TRPM3: variants seen among roughly 807,000 people sequenced by gnomAD.
TRPM3 encodes transient receptor potential cation channel subfamily M member 3, also known as long transient receptor potential channel 3.
A neutral mutation model predicts 181.2 loss-of-function variants in TRPM3; 77 were observed. The observed-to-expected ratio is 0.42, with a 90% CI of 0.35 to 0.51. TRPM3 has a LOEUF of 0.51. TRPM3 is among the 20% of genes least tolerant of loss of function. TRPM3 has a pLI of 0.01. For synonymous variants in TRPM3, 745 were observed against 796.4 expected, an observed-to-expected ratio of 0.94 and a Z score of 1.09; for missense variants, 1,759 against 2,196.7, an observed-to-expected ratio of 0.80 and a Z score of 3.98.
intron 1 of TRPM3, among the ~76,000 whole-genome samples, chr9:70,908,796 C>A (rs866060484): frequency 1.3e-5 from 2 of 152,106 alleles, no homozygotes; most frequent in Admixed American, 1.3e-4. Flanking sequence ...ACCAATGGAA[C>A]AGAATACAGA....
chr9:70,942,538 A>C (rs942918894), intron 1 of TRPM3, among the ~76,000 whole-genome samples: 2 of 152,212 alleles, frequency 1.3e-5, no homozygotes, highest in African/African-American at 4.8e-5. Context: ...TTCACTGTAC[A>C]AGGCTTCTTG....
intron 17 of TRPM3, among the ~76,000 whole-genome samples, 189 bp downstream of exon 17, chr9:70,618,678 G>A (rs2063159435): frequency 6.6e-6 from 1 of 152,232 alleles, no homozygotes; most frequent in African/African-American, 2.4e-5. Flanking sequence ...GACCCAGGGG[G>A]AGGCCCCAGC....
intron 1 of TRPM3, among the ~76,000 whole-genome samples, chr9:71,053,928 A>C (rs981011276): frequency 6.6e-6 from 1 of 152,104 alleles, no homozygotes; most frequent in Non-Finnish European, 1.5e-5. Flanking sequence ...AAGAGCTTCA[A>C]TGTAAAAGGT....
intron 1 of TRPM3, among the ~76,000 whole-genome samples, chr9:71,148,581 A>G (rs2075561770): frequency 6.6e-6 from 1 of 152,184 alleles, no homozygotes; most frequent in Non-Finnish European, 1.5e-5. Context: ...TGACACCTGG[A>G]AAATCTTAGG....
chr9:70,967,357 T>G (rs557629213), intron 1 of TRPM3, among the ~76,000 whole-genome samples: 1 of 151,998 alleles, frequency 6.6e-6, no homozygotes, highest in Admixed American at 6.6e-5. Flanking sequence ...CTTGAGTGGG[T>G]TGAATTTGGA....
At position 71,307,631 on chromosome 9, in the gene TRPM3, A is replaced by G. The variant is rs541388817; in HGVS notation, c.183+139022T>C. The stretch of plus-strand genomic sequence containing the variant: ...TTATAATTAGATTTATTCAGTAGCT[A>G]TTCTTTTCTAATAACACATGCATTT... On this transcript the variant is annotated intron_variant, in intron 1 of 24. Coordinates refer to the TRPM3 transcript ENST00000357533. Among the ~76,000 whole-genome samples, 88 of 152,264 alleles carry G rather than the reference A, an allele frequency of 5.8e-4. 2 individuals carry two copies. The South Asian group carries it at 0.018, about 30-fold the overall frequency.
chr9:70,672,696 A>G (rs1166332516), intron 9 of TRPM3, among the ~76,000 whole-genome samples: 1 of 152,062 alleles, frequency 6.6e-6, no homozygotes, highest in East Asian at 1.9e-4. Flanking sequence ...TCACTAAAAT[A>G]TTGGTTTTCT....
In TRPM3 at chr9:70,665,595, A is replaced by G. The variant is rs143979673; in HGVS notation, c.1345+15911T>C. 3.3e-4 allele frequency among the ~76,000 whole-genome samples: 51 copies of G among 152,242 alleles called. 1 individual carries two copies. Among genetic ancestry groups the G allele is most frequent in the African/African-American group, 1.1e-3 (45 of 41,548 alleles). On this transcript the variant is annotated intron_variant, in intron 9 of 25. Coordinates refer to ENST00000677713, the MANE Select transcript of TRPM3 (RefSeq NM_001366145.2). ...TGTCCCATGAACGTGTTAACAGAGA[A>G]CTTCATGAGTGTGTCTGTTTTATAC...
At chr9:70,893,112 C>T (rs1487426864) in intron 1 of TRPM3, among the ~76,000 whole-genome samples, 1 of 152,132 alleles carries the variant, frequency 6.6e-6, no homozygotes, top group African/African-American at 2.4e-5. Context: ...TGCTGGACTG[C>T]TATTATTAAT....
chr9:70,762,800 G>A (rs542123231), intron 7 of TRPM3, among the ~76,000 whole-genome samples: 86 of 152,294 alleles, frequency 5.6e-4, no homozygotes, highest in Non-Finnish European at 1.1e-3. Flanking sequence ...AAGTGACAGA[G>A]TTATCAGAAT....
chr9:71,413,309 T>C (rs2093589649), intron 1 of TRPM3, among the ~76,000 whole-genome samples: 1 of 152,108 alleles, frequency 6.6e-6, no homozygotes, highest in Admixed American at 6.6e-5. Context: ...GAGGAAGTCC[T>C]AAGTGCTTTA....
chr9:70,804,202 C>A (rs2090075048), intron 6 of TRPM3, among the ~76,000 whole-genome samples: 1 of 152,040 alleles, frequency 6.6e-6, no homozygotes, highest in African/African-American at 2.4e-5. Flanking sequence ...TGGTGGCAGG[C>A]ACCTGTAACC....
chr9:71,033,646 A>C (rs2057816374), intron 1 of TRPM3, among the ~76,000 whole-genome samples: 1 of 152,220 alleles, frequency 6.6e-6, no homozygotes, highest in Non-Finnish European at 1.5e-5. Flanking sequence ...ATGTTTGCAA[A>C]GTCAGAATTG....
chr9:71,096,562 A>ACG (rs2067247321), intron 1 of TRPM3, among the ~76,000 whole-genome samples: 2 of 84,738 alleles, frequency 2.4e-5, no homozygotes, highest in East Asian at 3.0e-4. Flanking sequence ...GAGCGCATGC[A>ACG]CACACACACA....
intron 1 of TRPM3, among the ~76,000 whole-genome samples, chr9:70,915,991 G>T (rs2096590521): frequency 6.6e-6 from 1 of 152,122 alleles, no homozygotes; most frequent in African/African-American, 2.4e-5. Context: ...ACTAAAAGCA[G>T]CAAGAGAAAA....
chr9:70,603,270 C>T (rs184941868), intron 20 of TRPM3, 72 bp downstream of exon 20: 11 of 1,539,782 alleles, frequency 7.1e-6, no homozygotes, highest in Non-Finnish European at 8.8e-7. Flanking sequence ...AGGCATCTTC[C>T]TGTCCCCTCC....
Position 70,536,605 on chromosome 9 carries a change from G to A in TRPM3, c.4508C>T (p.Pro1503Leu), listed in dbSNP as rs766444608. 50 of 1,613,992 alleles carry A rather than the reference G, an allele frequency of 3.1e-5. No homozygotes were observed. Among genetic ancestry groups the A allele is most frequent in the East Asian group, 4.5e-5 (2 of 44,894 alleles). ...ECQNPWDSEP[P>L]MYHTIERSKS... is the part of the protein sequence containing the mutation. ...GGAACGCTCAATGGTGTGGTACATC[G>A]GAGGCTCTGAGTCCCAGGGGTTTTG... The change falls in exon 26 of 26, where the codon CCG becomes CTG. Residue 1503 changes from proline to leucine, a missense_variant. Physicochemically the swap from Pro to Leu is moderately conservative, Grantham distance 98. Coordinates refer to ENST00000677713, the MANE Select transcript of TRPM3 (RefSeq NM_001366145.2).
intron 1 of TRPM3, among the ~76,000 whole-genome samples, chr9:71,052,419 G>A (rs1339590686): frequency 6.6e-6 from 1 of 152,082 alleles, no homozygotes; most frequent in Non-Finnish European, 1.5e-5. Context: ...CTGAATGGCT[G>A]TTTTGAGAAA....
intron 22 of TRPM3, among the ~76,000 whole-genome samples, chr9:70,559,812 T>C (rs1277918294): frequency 6.6e-6 from 1 of 152,126 alleles, no homozygotes; most frequent in Non-Finnish European, 1.5e-5. Flanking sequence ...CACCTCACAG[T>C]TGCCCAGGAA....
Sources: gnomAD v4.1 joint callset for allele counts (sites outside exome capture counted in the v4.1 genomes callset) on GRCh38, gnomAD v4.1.1 for gene constraint, MANE v1.5 for transcripts, NCBI Gene and HGNC (gene_info 2026-07-23, HGNC 2026-07-21) for gene names.